SLC7A9: variants seen among roughly 807,000 people sequenced by gnomAD.
SLC7A9 encodes the protein B(0,+)-type amino acid transporter 1.
A neutral mutation model predicts 54.1 loss-of-function variants in SLC7A9; 38 were observed. The ratio of observed to expected loss-of-function variants is 0.70; its 90% CI spans 0.54 to 0.92. The LOEUF (loss-of-function observed/expected upper bound fraction) is 0.92, where lower values mean the gene tolerates loss of function less well. SLC7A9 is among the 40% of genes least tolerant of loss of function. The probability of loss-of-function intolerance (pLI) is 0.00; values close to 1 mark genes in which losing one functional copy is unlikely to be tolerated. For missense variants in SLC7A9, 537 were observed against 636.1 expected (o/e 0.84, Z 1.68); for synonymous variants, 264 against 258.9 (o/e 1.02, Z -0.19).
intron 2 of SLC7A9, 120 bp from the exon 3 acceptor site, chr19:32,864,896 C>T (rs1291942595): frequency 7.5e-7 from 1 of 1,341,424 alleles, no homozygotes; most frequent in African/African-American, 1.4e-5. Context: ...GTCCCAGGCG[C>T]TTCCACCCTG....
chr19:32,862,797 G>A (rs928359884), intron 4 of SLC7A9: 18 of 365,016 alleles, frequency 4.9e-5, no homozygotes, highest in Non-Finnish European at 8.5e-5. Context: ...TCAGCCTCCT[G>A]AGTAGCTAGG....
chr19:32,861,577 C>T (rs758331502), intron 6 of SLC7A9, among the ~76,000 whole-genome samples: 4 of 151,892 alleles, frequency 2.6e-5, no homozygotes, highest in African/African-American at 7.3e-5. Context: ...TTTGGGAGGC[C>T]GAGGAGAGAG....
In SLC7A9 at chr19:32,867,169, A is replaced by G. The variant is rs114525506; in HGVS notation, c.87+1279T>C. On this transcript the variant is annotated intron_variant, in intron 2 of 12. Transcript: ENST00000023064. ...TTCCCATCACTACAGCCATTCAGAT[A>G]TAAGGAGGACAGGCATTTAGAGGGG... Among the ~76,000 whole-genome samples the G allele has an allele frequency of 4.0e-3, 607 of 152,282 alleles. 3 individuals are homozygous for G. Among genetic ancestry groups the G allele is most frequent in the African/African-American group, 0.014 (569 of 41,568 alleles).
At chr19:32,830,746 G>A in intron 12 of SLC7A9, 62 bp from the exon 13 acceptor site, 1 of 1,288,052 alleles carries the variant, frequency 7.8e-7, no homozygotes, top group Non-Finnish European at 1.1e-6. Context: ...TTTCACTGGA[G>A]TTGTTGTGGG....
chr19:32,841,868 C>T (rs775193057), intron 11 of SLC7A9, among the ~76,000 whole-genome samples: 34 of 152,192 alleles, frequency 2.2e-4, no homozygotes, highest in Non-Finnish European at 5.9e-5. Context: ...GGATGCGCCA[C>T]TGCACTCCAG....
intron 2 of SLC7A9, 141 bp downstream of exon 2, chr19:32,868,307 T>C: frequency 2.9e-6 from 2 of 697,212 alleles, no homozygotes; most frequent in Middle Eastern, 2.7e-4. Context: ...AGATTATCCC[T>C]TTAAAGATGT....
chr19:32,855,780 C>T (rs537141655), intron 9 of SLC7A9, among the ~76,000 whole-genome samples: 1 of 152,292 alleles, frequency 6.6e-6, no homozygotes, highest in South Asian at 2.1e-4. Flanking sequence ...CTGTCCAGCA[C>T]ACAGCACAAG....
At chr19:32,855,449 C>T (rs1168743886) in intron 9 of SLC7A9, among the ~76,000 whole-genome samples, 3 of 152,182 alleles carry the variant, frequency 2.0e-5, no homozygotes, top group East Asian at 1.9e-4. Flanking sequence ...CCTGTAATCC[C>T]AGCACTTTGG....
intron 3 of SLC7A9, 100 bp from the exon 4 acceptor site, chr19:32,864,438 C>T (rs1185252289): frequency 2.4e-5 from 37 of 1,565,774 alleles, no homozygotes; most frequent in African/African-American, 5.4e-5. Flanking sequence ...TATGGAGGGG[C>T]CCACCGTGGT....
intron 6 of SLC7A9, among the ~76,000 whole-genome samples, chr19:32,861,909 A>C (rs1180175049): frequency 6.6e-6 from 1 of 152,128 alleles, no homozygotes; most frequent in Non-Finnish European, 1.5e-5. Context: ...AGGGTTCTAC[A>C]CAGAGCACTC....
intron 9 of SLC7A9, among the ~76,000 whole-genome samples, chr19:32,844,882 A>AAAAAAAAAAAAAAAAAAAAAAAAC (rs1968239661): frequency 6.8e-6 from 1 of 147,700 alleles, no homozygotes; most frequent in East Asian, 2.0e-4. Context: ...AAAAAAAAAA[A>AAAAAAAAAAAAAAAAAAAAAAAAC]AGCCAGATGT....
intron 2 of SLC7A9, 97 bp from the exon 3 acceptor site, chr19:32,864,873 A>G: frequency 6.5e-7 from 1 of 1,534,542 alleles, no homozygotes; most frequent in South Asian, 1.1e-5. Context: ...GGGCGGCCCC[A>G]GCCAAAGCCC....
At chr19:32,847,641 A>G (rs918657084) in intron 9 of SLC7A9, among the ~76,000 whole-genome samples, 2 of 152,202 alleles carry the variant, frequency 1.3e-5, no homozygotes, top group Non-Finnish European at 2.9e-5. Context: ...AACTTCCCCA[A>G]TCTAGCAAGG....
intron 10 of SLC7A9, among the ~76,000 whole-genome samples, 178 bp downstream of exon 10, chr19:32,843,677 A>T (rs1968193105): frequency 6.6e-6 from 1 of 152,176 alleles, no homozygotes; most frequent in Non-Finnish European, 1.5e-5. Flanking sequence ...TCGTGGATAA[A>T]TTCAGACAAA....
intron 10 of SLC7A9, among the ~76,000 whole-genome samples, chr19:32,843,527 G>A (rs1968188808): frequency 6.6e-6 from 1 of 152,138 alleles, no homozygotes; most frequent in Non-Finnish European, 1.5e-5. Flanking sequence ...AGAGCATAAT[G>A]AGAGGCAGCT....
intron 2 of SLC7A9, among the ~76,000 whole-genome samples, chr19:32,865,789 G>A (rs1193664495): frequency 2.6e-5 from 4 of 152,098 alleles, no homozygotes; most frequent in African/African-American, 9.7e-5. Flanking sequence ...TGGCCAGCAT[G>A]GAGAAACCCC....
At chr19:32,864,374 G>A in intron 3 of SLC7A9, 36 bp from the exon 4 acceptor site, 1 of 1,612,472 alleles carries the variant, frequency 6.2e-7, no homozygotes. Context: ...CAGGCCCCTT[G>A]TGAGGCACTG....
intron 9 of SLC7A9, among the ~76,000 whole-genome samples, chr19:32,852,839 C>T (rs1008349178): frequency 9.3e-5 from 14 of 150,572 alleles, no homozygotes; most frequent in African/African-American, 3.4e-4. Context: ...GAATGCTAAA[C>T]AGACAAGGAG....
intron 3 of SLC7A9, 69 bp from the exon 4 acceptor site, chr19:32,864,407 TCCCA>T: frequency 6.2e-7 from 1 of 1,604,094 alleles, no homozygotes; most frequent in Non-Finnish European, 8.5e-7. Flanking sequence ...GGAGCCTTCC[TCCCA>T]CCGGAGGCTG....
Sources: allele counts gnomAD v4.1 joint callset (sites outside exome capture counted in the v4.1 genomes callset), GRCh38; gene constraint gnomAD v4.1.1; transcripts MANE v1.5; gene names NCBI Gene and HGNC (gene_info 2026-07-23, HGNC 2026-07-21).